The following SYT9 variants were observed in gnomAD, a reference collection of about 807,000 sequenced individuals.
The protein encoded by SYT9 is synaptotagmin-9.
Under a neutral mutation model 48.4 loss-of-function variants are expected in SYT9, and 22 were observed. The ratio of observed to expected loss-of-function variants is 0.45; its 90% confidence interval spans 0.32 to 0.65. SYT9 has a LOEUF of 0.65. SYT9 is among the 30% of genes least tolerant of loss of function. SYT9 has a pLI of 0.03. For synonymous variants in SYT9, 265 were observed against 245.0 expected (o/e 1.08, Z -0.76); for missense variants, 577 against 622.0 (o/e 0.93, Z 0.77).
chr11:7,454,496 T>C (rs1343597835), intron 6 of SYT9, among the ~76,000 whole-genome samples: 1 of 152,224 alleles, frequency 6.6e-6, no homozygotes, highest in Non-Finnish European at 1.5e-5. Context: ...CTATAGCATT[T>C]AATGAAGATT....
At chr11:7,438,042 G>A (rs1487852697) in intron 6 of SYT9, 2 of 152,218 alleles carry the variant, frequency 1.3e-5, no homozygotes, top group Non-Finnish European at 2.9e-5. Flanking sequence ...ATGAAGCACC[G>A]GCCTGTAAAG....
chr11:7,354,792 T>G (rs1404185979), intron 3 of SYT9, among the ~76,000 whole-genome samples: 2 of 152,122 alleles, frequency 1.3e-5, no homozygotes, highest in African/African-American at 2.4e-5. Flanking sequence ...CAGGGGCAGT[T>G]GAAATATATC....
chr11:7,330,452 A>G (rs1849507646), intron 3 of SYT9, among the ~76,000 whole-genome samples: 1 of 152,152 alleles, frequency 6.6e-6, no homozygotes, highest in Admixed American at 6.5e-5. Context: ...AGGAGGTGAA[A>G]CTGCAAATCA....
At chr11:7,406,828 C>G (rs7108652) in intron 3 of SYT9, among the ~76,000 whole-genome samples, 61,849 of 151,740 alleles carry the variant, frequency 0.41, 13,756 homozygotes, top group African/African-American at 0.57. Context: ...TATAAGAATT[C>G]CCTTTTCTCC....
chr11:7,440,333 C>T (rs1590031674), intron 6 of SYT9: 1 of 152,196 alleles, frequency 6.6e-6, no homozygotes, highest in South Asian at 2.1e-4. Flanking sequence ...GGGAGGAAGT[C>T]ACCCTTACAA....
At chr11:7,318,729 GT>G (rs1279925345) in intron 3 of SYT9, among the ~76,000 whole-genome samples, 1 of 151,898 alleles carries the variant, frequency 6.6e-6, no homozygotes, top group Non-Finnish European at 1.5e-5. Context: ...ATCCAGTGAG[GT>G]TTTTTTTACT....
At chr11:7,291,605 C>T (rs1848697361) in intron 1 of SYT9, among the ~76,000 whole-genome samples, 1 of 151,948 alleles carries the variant, frequency 6.6e-6, no homozygotes. Context: ...GGGAGTGTCT[C>T]ACATGTGTTT....
chr11:7,271,462 C>T (rs1432644421), intron 1 of SYT9, among the ~76,000 whole-genome samples: 5 of 152,336 alleles, frequency 3.3e-5, no homozygotes, highest in East Asian at 1.9e-4. Context: ...GGCCCAGGCC[C>T]GCCAGTCATG....
rs35065184 is a variant in SYT9, at chr11:7,362,949, C to CTTTTTTTTTTTTT, written c.1044+49024_1044+49036dup. 1.1e-4 allele frequency among the ~76,000 whole-genome samples: 2 copies of CTTTTTTTTTTTTT among 17,880 alleles called. 1 individual carries two copies. Among genetic ancestry groups the CTTTTTTTTTTTTT allele is most frequent in the African/African-American group, 3.6e-4 (2 of 5,566 alleles). 11.7% of individuals were successfully genotyped at this position (17,880 alleles called of 152,430 possible). On this transcript the variant is annotated intron_variant, in intron 3 of 6. Coordinates refer to ENST00000318881, the MANE Select transcript of SYT9 (RefSeq NM_175733.4). ...ATCTTTCTTCTTGCCATTTATTGGCCTTTTTTTTTTTTTTTTTTTTTTTTT... is the reference window on the plus strand; with the variant it reads ...ATCTTTCTTCTTGCCATTTATTGGCCTTTTTTTTTTTTTTTTTTTTTTTTTTTTTTTTTTTTTT...
intron 3 of SYT9, among the ~76,000 whole-genome samples, chr11:7,409,183 G>T (rs1342158731): frequency 6.6e-6 from 1 of 152,110 alleles, no homozygotes; most frequent in Non-Finnish European, 1.5e-5. Flanking sequence ...CCTTGATTTT[G>T]TTTATGTGAT....
intron 6 of SYT9, among the ~76,000 whole-genome samples, chr11:7,453,194 C>T (rs1319394263): frequency 6.6e-6 from 1 of 152,082 alleles, no homozygotes; most frequent in Non-Finnish European, 1.5e-5. Flanking sequence ...AGTTCTAGAC[C>T]AGCCTGGGAG....
intron 3 of SYT9, among the ~76,000 whole-genome samples, chr11:7,363,276 C>T (rs1015580383): frequency 2.0e-5 from 3 of 152,140 alleles, no homozygotes; most frequent in Non-Finnish European, 4.4e-5. Flanking sequence ...ACATTTTCCT[C>T]AACTTACCCA....
At chr11:7,426,642 C>T (rs1847463472) in intron 6 of SYT9, among the ~76,000 whole-genome samples, 1 of 152,094 alleles carries the variant, frequency 6.6e-6, no homozygotes, top group Non-Finnish European at 1.5e-5. Context: ...CCTTAAGCTT[C>T]CCCCTCAATC....
chr11:7,254,375 G>T (rs889259853), intron 1 of SYT9, among the ~76,000 whole-genome samples: 6 of 152,106 alleles, frequency 3.9e-5, no homozygotes, highest in Admixed American at 2.6e-4. Flanking sequence ...TACATCCAAA[G>T]TGCACCCTCT....
chr11:7,290,751 A>G lies in SYT9; in HGVS notation c.146-12288A>G, dbSNP rs1356079105. Among the ~76,000 whole-genome samples the G allele has an allele frequency of 5.3e-5, 8 of 152,192 alleles. No homozygotes were observed. The East Asian group carries it at 1.5e-3, about 29-fold the overall frequency. ...ACACTTTAGAGATAGATTTTCTCAC[A>G]CAATTTGAGAATATGAGATCTGGAA... On this transcript the variant is annotated intron_variant, in intron 1 of 6. Coordinates refer to ENST00000318881, the MANE Select transcript of SYT9 (RefSeq NM_175733.4).
chr11:7,404,218 A>G (rs749087447), intron 3 of SYT9, among the ~76,000 whole-genome samples: 7 of 152,160 alleles, frequency 4.6e-5, no homozygotes, highest in Non-Finnish European at 8.8e-5. Context: ...AAGGCAGCAT[A>G]TAATTGAGTC....
chr11:7,438,692 C>G (rs1363671775), intron 6 of SYT9: 1 of 152,312 alleles, frequency 6.6e-6, no homozygotes, highest in Admixed American at 6.5e-5. Context: ...CCATCCAAGC[C>G]TTGTTCCTAT....
At chr11:7,243,625 G>T (rs1847761534) in intron 1 of SYT9, among the ~76,000 whole-genome samples, 1 of 152,168 alleles carries the variant, frequency 6.6e-6, no homozygotes, top group Non-Finnish European at 1.5e-5. Flanking sequence ...CCATAAAAGT[G>T]CACATTTACT....
intron 3 of SYT9, among the ~76,000 whole-genome samples, chr11:7,377,909 C>T (rs112583445): frequency 6.6e-6 from 1 of 152,210 alleles, no homozygotes; most frequent in Non-Finnish European, 1.5e-5. Context: ...TAACCTCTGA[C>T]TCTGGATTCT....
Sources: gnomAD v4.1 joint callset for allele counts (sites outside exome capture counted in the v4.1 genomes callset) on GRCh38, gnomAD v4.1.1 for gene constraint, MANE v1.5 for transcripts, NCBI Gene and HGNC (gene_info 2026-07-23, HGNC 2026-07-21) for gene names.